ANKFN1: variants seen among roughly 807,000 people sequenced by gnomAD.
ANKFN1 encodes the protein ankyrin repeat and fibronectin type-III domain-containing protein 1.
ANKFN1 carries 74 observed loss-of-function variants against 108.7 expected under a neutral mutation model. That is an observed-to-expected ratio of 0.68 (90% CI 0.56 to 0.83). The LOEUF (loss-of-function observed/expected upper bound fraction) is 0.83, where lower values mean the gene tolerates loss of function less well. Ranked by LOEUF, ANKFN1 falls within the 40% of genes least tolerant of loss-of-function variation. The probability of loss-of-function intolerance (pLI) is 0.00; values close to 1 mark genes in which losing one functional copy is unlikely to be tolerated. For synonymous variants in ANKFN1, 547 were observed against 516.2 expected, an observed-to-expected ratio of 1.06 and a Z score of -0.81; for missense variants, 1,505 against 1,382.3, an observed-to-expected ratio of 1.09 and a Z score of -1.41.
chr17:56,284,095 T>C (rs1276303098), intron 3 of ANKFN1, among the ~76,000 whole-genome samples: 1 of 152,188 alleles, frequency 6.6e-6, no homozygotes, highest in East Asian at 1.9e-4. Context: ...AAGAATTTCA[T>C]AGAGATTTGG....
At chr17:56,071,556 T>G (rs749083059) in intron 4 of ANKFN1, among the ~76,000 whole-genome samples, 8 of 152,376 alleles carry the variant, frequency 5.3e-5, no homozygotes, top group Admixed American at 1.3e-4. Context: ...TCTTTAAGAA[T>G]CAACCTAATG....
intron 20 of ANKFN1, among the ~76,000 whole-genome samples, chr17:56,505,695 A>G (rs1214549856): frequency 2.0e-5 from 3 of 152,260 alleles, no homozygotes; most frequent in Non-Finnish European, 4.4e-5. Flanking sequence ...CAATGCTCTA[A>G]GAGGCAAAAG....
intron 4 of ANKFN1, among the ~76,000 whole-genome samples, chr17:56,120,095 T>C (rs987004137): frequency 4.6e-5 from 7 of 152,314 alleles, no homozygotes; most frequent in Admixed American, 3.3e-4. Context: ...CATTCTTCCA[T>C]CATCAACATG....
At chr17:56,242,839 T>G (rs1447791896) in intron 3 of ANKFN1, among the ~76,000 whole-genome samples, 1 of 152,170 alleles carries the variant, frequency 6.6e-6, no homozygotes, top group East Asian at 1.9e-4. Flanking sequence ...AGAAAAAGTC[T>G]TCTCATTCCT....
chr17:56,445,886 A>C (rs919973695), intron 10 of ANKFN1, among the ~76,000 whole-genome samples: 34 of 152,132 alleles, frequency 2.2e-4, no homozygotes, highest in African/African-American at 8.2e-4. Context: ...GTCACAGTTG[A>C]AGTGTCTCAT....
intron 8 of ANKFN1, among the ~76,000 whole-genome samples, chr17:56,428,280 G>T (rs1456788161): frequency 1.3e-5 from 2 of 151,396 alleles, no homozygotes; most frequent in Non-Finnish European, 2.9e-5. Context: ...TAAAGCACAA[G>T]GCTCCAGTAA....
chr17:56,349,325 C>G (rs1357474624), intron 4 of ANKFN1, among the ~76,000 whole-genome samples: 1 of 151,738 alleles, frequency 6.6e-6, no homozygotes, highest in African/African-American at 2.4e-5. Context: ...AGCAAACCAC[C>G]ATAGCACACA....
rs533735515 is a variant in ANKFN1 at position 56,256,685 on chromosome 17, T to C, written c.53+28728T>C. Among the ~76,000 whole-genome samples the C allele has an allele frequency of 4.0e-5, 6 of 148,594 alleles. No homozygotes were observed. The South Asian group carries it at 6.3e-4, about 15-fold the overall frequency. ...GACCAATTATGAAACAAGCCCTTTATCTATTATACACAAGAATATTTATAA... is the reference window on the plus strand; with the variant it reads ...GACCAATTATGAAACAAGCCCTTTACCTATTATACACAAGAATATTTATAA... On this transcript the variant is annotated intron_variant, in intron 3 of 20. Transcript: ENST00000682825.
At chr17:56,055,123 A>G (rs1168761602) in intron 4 of ANKFN1, among the ~76,000 whole-genome samples, 3 of 150,462 alleles carry the variant, frequency 2.0e-5, no homozygotes, top group Non-Finnish European at 4.4e-5. Flanking sequence ...ACATGGATAT[A>G]TTGCATACTG....
In ANKFN1 at chr17:56,511,102, G is replaced by C. The variant is rs1275617979; in HGVS notation, c.3274G>C (p.Val1092Leu). The C allele has an allele frequency of 6.5e-7, 1 of 1,535,994 alleles. No individual in the cohort carries two copies. The highest frequency in any genetic ancestry group is 8.7e-7 in the Non-Finnish European group (1 of 1,146,848). Reference protein sequence around the residue: ...DARPSVRRLYVEPYAAAVVAQ... With the variant: ...DARPSVRRLYLEPYAAAVVAQ... Reference sequence around the variant, plus strand: ...GAGGCCTTCCGTCCGCCGCCTCTACGTGGAGCCCTACGCAGCGGCCGTGGT... The same window carrying C: ...GAGGCCTTCCGTCCGCCGCCTCTACCTGGAGCCCTACGCAGCGGCCGTGGT... The change falls in exon 21 of 21, where the codon GTG becomes CTG. Residue 1092 changes from valine to leucine, a missense_variant. Val to Leu is a conservative substitution (Grantham distance 32). Coordinates refer to ENST00000682825, the MANE Select transcript of ANKFN1 (RefSeq NM_001370326.1).
chr17:56,225,584 G>A (rs1916211425), intron 2 of ANKFN1, among the ~76,000 whole-genome samples: 1 of 152,182 alleles, frequency 6.6e-6, no homozygotes, highest in South Asian at 2.1e-4. Context: ...ACAGTGCCTT[G>A]CACATAGTAG....
At chr17:56,255,473 T>G (rs1002646894) in intron 3 of ANKFN1, among the ~76,000 whole-genome samples, 1 of 152,210 alleles carries the variant, frequency 6.6e-6, no homozygotes, top group Admixed American at 6.5e-5. Context: ...GGATATTCCT[T>G]GTGAGAAACA....
intron 3 of ANKFN1, among the ~76,000 whole-genome samples, chr17:56,254,754 C>G (rs2043317825): frequency 1.3e-5 from 2 of 152,050 alleles, no homozygotes; most frequent in African/African-American, 4.8e-5. Context: ...ACAGCAGAGA[C>G]CAGGAGAGGA....
chr17:56,452,552 G>A (rs1444895834), intron 11 of ANKFN1, among the ~76,000 whole-genome samples: 2 of 152,166 alleles, frequency 1.3e-5, no homozygotes, highest in African/African-American at 4.8e-5. Flanking sequence ...CCATAGGAGA[G>A]GGAAAAATAA....
intron 8 of ANKFN1, among the ~76,000 whole-genome samples, chr17:56,401,720 C>T (rs1235473626): frequency 6.6e-6 from 1 of 151,142 alleles, no homozygotes; most frequent in East Asian, 1.9e-4. Context: ...ACCAATTCTT[C>T]TTTGAATGTT....
intron 1 of ANKFN1, among the ~76,000 whole-genome samples, chr17:56,169,917 G>A (rs1246195878): frequency 6.6e-6 from 1 of 152,150 alleles, no homozygotes; most frequent in African/African-American, 2.4e-5. Flanking sequence ...ATTGACTTTG[G>A]TCAATCTGAT....
intron 11 of ANKFN1, among the ~76,000 whole-genome samples, chr17:56,454,165 T>C (rs1309595412): frequency 3.9e-5 from 6 of 152,322 alleles, no homozygotes; most frequent in African/African-American, 1.4e-4. Flanking sequence ...TTATTTTCTT[T>C]TTTTCTTCTA....
chr17:56,493,154 G>T (rs1315087234), intron 19 of ANKFN1, among the ~76,000 whole-genome samples: 1 of 152,108 alleles, frequency 6.6e-6, no homozygotes, highest in East Asian at 1.9e-4. Flanking sequence ...ATTAGACATG[G>T]TCTCTGATCT....
chr17:56,255,009 C>G (rs1483289296), intron 3 of ANKFN1, among the ~76,000 whole-genome samples: 2 of 152,150 alleles, frequency 1.3e-5, no homozygotes, highest in Admixed American at 6.5e-5. Flanking sequence ...TGACTGCTGT[C>G]AGAGAAGGTC....
Sources: gnomAD v4.1 joint callset for allele counts (sites outside exome capture counted in the v4.1 genomes callset) on GRCh38, gnomAD v4.1.1 for gene constraint, MANE v1.5 for transcripts, NCBI Gene and HGNC (gene_info 2026-07-23, HGNC 2026-07-21) for gene names.